Variants in METAP1 observed in about 807,000 individuals in gnomAD.
METAP1 encodes methionine aminopeptidase 1.
In METAP1, 28 loss-of-function variants were observed where a neutral mutation model predicts 53.8. That is an observed-to-expected ratio of 0.52 (90% CI 0.39 to 0.71). METAP1 has a LOEUF of 0.71. Among genes scored for constraint, METAP1 ranks in the 30% least tolerant of loss-of-function variants. The pLI is 0.00. For missense variants in METAP1, 389 were observed against 479.8 expected, an observed-to-expected ratio of 0.81 and a Z score of 1.77; for synonymous variants, 181 against 165.7, an observed-to-expected ratio of 1.09 and a Z score of -0.71.
intron 1 of METAP1, among the ~76,000 whole-genome samples, chr4:99,018,847 G>C (rs1028713651): frequency 6.6e-6 from 1 of 152,262 alleles, no homozygotes; most frequent in East Asian, 1.9e-4. Flanking sequence ...GGGAGATCGG[G>C]TATTACTTTC....
intron 1 of METAP1, among the ~76,000 whole-genome samples, chr4:99,008,953 C>A (rs1723327418): frequency 6.6e-6 from 1 of 152,078 alleles, no homozygotes; most frequent in African/African-American, 2.4e-5. Context: ...TAGTGTTAAG[C>A]ATATTTATGT....
intron 1 of METAP1, among the ~76,000 whole-genome samples, chr4:99,014,881 T>C (rs1185666257): frequency 3.3e-5 from 5 of 152,222 alleles, no homozygotes; most frequent in Non-Finnish European, 2.9e-5. Flanking sequence ...CCAAGGAATA[T>C]TGAGTTCTCC....
At chr4:99,018,322 A>G (rs1723897615) in intron 1 of METAP1, among the ~76,000 whole-genome samples, 1 of 152,260 alleles carries the variant, frequency 6.6e-6, no homozygotes, top group South Asian at 2.1e-4. Context: ...TTCAGGAAGT[A>G]CACAGAGTAT....
At chr4:99,042,303 A>G (rs993363617) in intron 6 of METAP1, among the ~76,000 whole-genome samples, 4 of 151,434 alleles carry the variant, frequency 2.6e-5, no homozygotes, top group Non-Finnish European at 3.0e-5. Context: ...AGGAAACTTC[A>G]TATTAATTTA....
At chr4:99,050,501 A>C (rs1339198924) in intron 9 of METAP1, among the ~76,000 whole-genome samples, 2 of 152,138 alleles carry the variant, frequency 1.3e-5, no homozygotes, top group Non-Finnish European at 2.9e-5. Context: ...GAAATGAGTG[A>C]GCAACCTTTC....
In METAP1 at chr4:99,041,109, G is replaced by A; in HGVS notation, c.499G>A (p.Asp167Asn). 6.2e-7 allele frequency: 1 copy of A among 1,605,692 alleles called. No individual in the cohort carries two copies. The highest frequency in any genetic ancestry group is 8.5e-7 in the Non-Finnish European group (1 of 1,174,548). The change falls in exon 6 of 11, where the codon GAT (aspartate) becomes AAT (asparagine). Residue 167 changes from aspartate to asparagine, a missense_variant. By Grantham distance (23) the Asp-to-Asn change is conservative. Coordinates refer to ENST00000296411, the MANE Select transcript of METAP1 (RefSeq NM_015143.3). ...IKPGVTTEEI[D>N]HAVHLACIAR... ...ACCAGGTGTAACTACTGAAGAAATAGATCACGCTGTACACTTAGTAAGAAC... is the reference window on the plus strand; with the variant it reads ...ACCAGGTGTAACTACTGAAGAAATAAATCACGCTGTACACTTAGTAAGAAC...
chr4:99,004,446 TACACACACACACACAC>T (rs1189663861), intron 1 of METAP1, among the ~76,000 whole-genome samples: 5 of 80,008 alleles, frequency 6.2e-5, no homozygotes, highest in Admixed American at 4.6e-4. Context: ...TGTGGACAGA[TACACACACACACACAC>T]ACACACACAC....
At chr4:99,037,871 A>G (rs1205435017) in intron 4 of METAP1, 3 of 151,922 alleles carry the variant, frequency 2.0e-5, no homozygotes, top group Non-Finnish European at 4.4e-5. Flanking sequence ...TTGGGATAGT[A>G]TTAAATTTAT....
In METAP1 at chr4:98,995,731, C is replaced by A; in HGVS notation, c.-23C>A. 9.7e-6 allele frequency: 15 copies of A among 1,539,254 alleles called. No individual in the cohort carries two copies. The highest frequency in any genetic ancestry group is 1.3e-5 in the Non-Finnish European group (15 of 1,138,712). The stretch of plus-strand genomic sequence containing the variant: ...CGCCGCCGCCTCTTCCTCGGTGAGG[C>A]GCTCTTCCAGCGGGCAGGCAGCATG... On this transcript the variant is annotated 5_prime_UTR_variant, in exon 1 of 11. Coordinates refer to ENST00000296411, the MANE Select transcript of METAP1 (RefSeq NM_015143.3).
Position 99,045,305 on chromosome 4 carries a change from A to C in METAP1, c.782A>C (p.Asp261Ala). The change falls in exon 8 of 11, where the codon GAT (aspartate) becomes GCT (alanine). Residue 261 changes from aspartate (D) to alanine (A), a missense_variant. Asp to Ala is a moderately radical substitution (Grantham distance 126). Coordinates refer to ENST00000296411, the MANE Select transcript of METAP1 (RefSeq NM_015143.3). ...TTYECLMQAI[D>A]AVKPGVRYRE... is the part of the protein sequence containing the mutation. Reference sequence around the variant, plus strand: ...TATGAGTGCCTGATGCAAGCCATTGATGCAGGTCAGCCTCAGTGTTGAGCA... The same window carrying C: ...TATGAGTGCCTGATGCAAGCCATTGCTGCAGGTCAGCCTCAGTGTTGAGCA... 6.2e-7 allele frequency: 1 copy of C among 1,613,666 alleles called. No homozygotes were observed. Among genetic ancestry groups the C allele is most frequent in the South Asian group, 1.1e-5 (1 of 91,040 alleles).
intron 5 of METAP1, 103 bp from the exon 6 acceptor site, chr4:99,040,940 G>T (rs1339462339): frequency 6.3e-6 from 3 of 474,376 alleles, no homozygotes; most frequent in South Asian, 5.3e-5. Context: ...TAATATTCAA[G>T]GGGAGATTCA....
At chr4:99,006,962 C>CTT (rs377025900) in intron 1 of METAP1, among the ~76,000 whole-genome samples, 20 of 142,018 alleles carry the variant, frequency 1.4e-4, no homozygotes, top group African/African-American at 2.8e-4. Context: ...TTGTGAAACA[C>CTT]TTTTTTTTTT....
chr4:99,001,951 A>C (rs996275258), intron 1 of METAP1, among the ~76,000 whole-genome samples: 6 of 152,158 alleles, frequency 3.9e-5, no homozygotes, highest in Admixed American at 2.0e-4. Flanking sequence ...AACAACAAAA[A>C]AACGAGCATC....
In METAP1 at chr4:99,028,872, T is replaced by C; in HGVS notation, c.120T>C (p.Cys40=). 1 of 1,541,592 alleles carries C rather than the reference T, an allele frequency of 6.5e-7. No individual in the cohort carries two copies. Among genetic ancestry groups the C allele is most frequent in the South Asian group, 1.2e-5 (1 of 82,316 alleles). The part of the protein sequence containing the change: ...IQGSYFCSQE[C]FKGSWATHKL... Reference sequence around the variant, plus strand: ...TTCCTTTTTTGTTCTTTTAGGAATGTTTTAAAGGAAGTTGGGCTACTCACA... The same window carrying C: ...TTCCTTTTTTGTTCTTTTAGGAATGCTTTAAAGGAAGTTGGGCTACTCACA... The change falls in exon 2 of 11, where the codon TGT becomes TGC. Residue 40 remains cysteine, a synonymous_variant. Coordinates refer to ENST00000296411, the MANE Select transcript of METAP1 (RefSeq NM_015143.3).
At chr4:99,010,259 G>C (rs535348500) in intron 1 of METAP1, among the ~76,000 whole-genome samples, 5 of 152,296 alleles carry the variant, frequency 3.3e-5, no homozygotes, top group African/African-American at 1.2e-4. Context: ...TTCGAAACCA[G>C]TTTGGGCAAG....
In METAP1 at chr4:99,022,375, C is replaced by T. The variant is rs942092022; in HGVS notation, c.115-6492C>T. On this transcript the variant is annotated intron_variant, in intron 1 of 10. Coordinates refer to ENST00000296411, the MANE Select transcript of METAP1 (RefSeq NM_015143.3). ...TGAGGGTGGCGGGGCTCCAAAGATC[C>T]TGGCCAGGAGTGCTTTGTTGGAGTG... is the stretch of plus-strand genomic sequence containing the variant. 3.4e-6 allele frequency: 3 copies of T among 886,078 alleles called. No homozygotes were observed. The African/African-American group carries it at 5.2e-5, about 15-fold the overall frequency. 54.9% of individuals were successfully genotyped at this position (886,078 alleles called of 1,614,324 possible).
At chr4:99,011,754 A>G (rs1179861235) in intron 1 of METAP1, among the ~76,000 whole-genome samples, 2 of 152,162 alleles carry the variant, frequency 1.3e-5, no homozygotes, top group African/African-American at 2.4e-5. Context: ...CACCCTGACC[A>G]ACATGGAGAA....
At chr4:99,022,839 G>GTGGTA (rs1282690179) in intron 1 of METAP1, 17 of 1,572,720 alleles carry the variant, frequency 1.1e-5, no homozygotes, top group Non-Finnish European at 1.4e-5. Flanking sequence ...CTGTGGTACT[G>GTGGTA]CTTTTTTCCC....
chr4:99,050,426 GT>G (rs1410489888), intron 9 of METAP1, among the ~76,000 whole-genome samples: 1 of 152,214 alleles, frequency 6.6e-6, no homozygotes, highest in African/African-American at 2.4e-5. Context: ...CTGATGGACA[GT>G]TGTTGCTGTA....
Sources: allele counts gnomAD v4.1 joint callset (sites outside exome capture counted in the v4.1 genomes callset), GRCh38; gene constraint gnomAD v4.1.1; transcripts MANE v1.5; gene names NCBI Gene and HGNC (gene_info 2026-07-23, HGNC 2026-07-21).